CSMD1: variants seen among roughly 807,000 people sequenced by gnomAD.
The protein encoded by CSMD1 is CUB and sushi domain-containing protein 1.
Under a neutral mutation model 417.5 loss-of-function variants are expected in CSMD1, and 213 were observed. The ratio of observed to expected loss-of-function variants is 0.51; its 90% CI spans 0.46 to 0.57. CSMD1 has a LOEUF of 0.57. CSMD1 is among the 20% of genes least tolerant of loss of function. The pLI, the probability that CSMD1 is intolerant of heterozygous loss-of-function variation, is 0.00. For synonymous variants in CSMD1, 2,862 were observed against 1,736.8 expected (o/e 1.65, Z -16.11); for missense variants, 6,923 against 4,529.7 (o/e 1.53, Z -15.17).
At chr8:4,863,995 A>G (rs1417083179) in intron 1 of CSMD1, among the ~76,000 whole-genome samples, 1 of 152,024 alleles carries the variant, frequency 6.6e-6, no homozygotes, top group East Asian at 1.9e-4. Flanking sequence ...TATTCAGTAC[A>G]TGTCTATATA....
chr8:3,641,454 G>A (rs572833142), intron 7 of CSMD1, among the ~76,000 whole-genome samples: 4 of 152,274 alleles, frequency 2.6e-5, no homozygotes, highest in Non-Finnish European at 4.4e-5. Context: ...TACTTTATCA[G>A]TAAGTGGTTT....
intron 2 of CSMD1, among the ~76,000 whole-genome samples, chr8:4,480,154 T>G (rs1453068607): frequency 6.7e-6 from 1 of 150,014 alleles, no homozygotes; most frequent in Non-Finnish European, 1.5e-5. Flanking sequence ...TTCTACTATT[T>G]TCCTAATACC....
intron 50 of CSMD1, among the ~76,000 whole-genome samples, chr8:3,046,945 G>A (rs1208911006): frequency 2.6e-5 from 4 of 152,170 alleles, no homozygotes; most frequent in Admixed American, 6.5e-5. Context: ...TGGGCCAGGC[G>A]CAGTGGCTGA....
chr8:4,496,612 C>A (rs1563232711), intron 2 of CSMD1, among the ~76,000 whole-genome samples: 1 of 152,118 alleles, frequency 6.6e-6, no homozygotes, highest in Non-Finnish European at 1.5e-5. Context: ...ATTGTTATTC[C>A]TGGTTTGTTC....
At chr8:4,598,448 C>A (rs371265074) in intron 2 of CSMD1, among the ~76,000 whole-genome samples, 2 of 152,300 alleles carry the variant, frequency 1.3e-5, no homozygotes, top group East Asian at 3.9e-4. Flanking sequence ...GGCATGAAAT[C>A]TGAGTTATTT....
chr8:4,306,464 A>G (rs1194573893), intron 3 of CSMD1, among the ~76,000 whole-genome samples: 1 of 152,194 alleles, frequency 6.6e-6, no homozygotes, highest in Non-Finnish European at 1.5e-5. Context: ...TCACCTCCAT[A>G]TTGTGAATGC....
At chr8:3,321,760 A>G (rs1358524083) in intron 23 of CSMD1, among the ~76,000 whole-genome samples, 1 of 152,240 alleles carries the variant, frequency 6.6e-6, no homozygotes, top group Non-Finnish European at 1.5e-5. Context: ...TTATAAAAAC[A>G]CAAAGTTAAC....
At chr8:4,085,854 C>T (rs939584891) in intron 3 of CSMD1, among the ~76,000 whole-genome samples, 1 of 152,136 alleles carries the variant, frequency 6.6e-6, no homozygotes, top group African/African-American at 2.4e-5. Context: ...CAGAGTTTCC[C>T]TGTCAGTATC....
At position 4,035,970 on chromosome 8, in the gene CSMD1, T is replaced by C. The variant is rs111230926; in HGVS notation, c.416-3871A>G. On this transcript the variant is annotated intron_variant, in intron 3 of 69. Transcript: ENST00000635120. ...ATTCACGGTAAGTGTCCTATGAGAGTGTAACACTTTTTTTTATTTTTAATG... is the reference window on the plus strand; with the variant it reads ...ATTCACGGTAAGTGTCCTATGAGAGCGTAACACTTTTTTTTATTTTTAATG... Among the ~76,000 whole-genome samples, 320 of 152,112 alleles carry C rather than the reference T, an allele frequency of 2.1e-3. 1 individual carries two copies. Among genetic ancestry groups the C allele is most frequent in the African/African-American group, 7.3e-3 (304 of 41,492 alleles).
At chr8:4,149,683 T>C (rs758809763) in intron 3 of CSMD1, among the ~76,000 whole-genome samples, 5 of 152,182 alleles carry the variant, frequency 3.3e-5, no homozygotes, top group Non-Finnish European at 7.3e-5. Flanking sequence ...ACTGAAGGAA[T>C]AAACAATGCT....
intron 5 of CSMD1, among the ~76,000 whole-genome samples, chr8:3,772,473 A>T (rs1161467866): frequency 0.055 from 1,159 of 21,262 alleles, 380 homozygotes; most frequent in African/African-American, 0.075. Context: ...ATATACACAT[A>T]TATATACATA....
rs117454806 is a variant in CSMD1 at position 4,931,379 on chromosome 8, G to C, written c.85+62953C>G. On this transcript the variant is annotated intron_variant, in intron 1 of 69. Transcript: ENST00000635120. ...AGGCATAATCATGTAACTCACTTTA[G>C]CTAATACTTCCTGAGTGACACTGAC... Among the ~76,000 whole-genome samples, 92 of 152,228 alleles carry C rather than the reference G, an allele frequency of 6.0e-4. No homozygotes were observed. The East Asian group carries it at 0.018, about 29-fold the overall frequency.
chr8:3,547,875 A>T (rs1482468034), intron 10 of CSMD1, among the ~76,000 whole-genome samples: 5 of 152,224 alleles, frequency 3.3e-5, no homozygotes, highest in Non-Finnish European at 5.9e-5. Context: ...TTAAAATGTC[A>T]TTTTAAGAAT....
At chr8:3,915,514 G>C (rs1221417073) in intron 5 of CSMD1, among the ~76,000 whole-genome samples, 1 of 151,662 alleles carries the variant, frequency 6.6e-6, no homozygotes, top group East Asian at 1.9e-4. Flanking sequence ...ACATTACTGG[G>C]CTTTGTTGAT....
At chr8:4,708,525 A>AAATGAAGGT (rs1344909507) in intron 1 of CSMD1, among the ~76,000 whole-genome samples, 3 of 152,224 alleles carry the variant, frequency 2.0e-5, no homozygotes, top group Admixed American at 6.5e-5. Flanking sequence ...ATTCTCTTAA[A>AAATGAAGGT]AATGAAGGTA....
At chr8:4,145,787 G>A (rs1054721707) in intron 3 of CSMD1, among the ~76,000 whole-genome samples, 3 of 151,084 alleles carry the variant, frequency 2.0e-5, no homozygotes, top group Non-Finnish European at 4.4e-5. Flanking sequence ...CTCGCACCAT[G>A]AAGAGTTTTT....
chr8:3,712,269 C>A (rs187270932), intron 6 of CSMD1, among the ~76,000 whole-genome samples: 20 of 152,204 alleles, frequency 1.3e-4, no homozygotes, highest in African/African-American at 4.6e-4. Context: ...TCTCCCCACA[C>A]GTTTTTTGGG....
At chr8:4,350,773 T>G (rs1009542237) in intron 3 of CSMD1, among the ~76,000 whole-genome samples, 1 of 152,162 alleles carries the variant, frequency 6.6e-6, no homozygotes, top group African/African-American at 2.4e-5. Context: ...TGAATTTAAG[T>G]AGGTTATTTT....
intron 5 of CSMD1, among the ~76,000 whole-genome samples, chr8:3,909,249 A>G (rs1403617216): frequency 6.6e-6 from 1 of 152,176 alleles, no homozygotes; most frequent in Non-Finnish European, 1.5e-5. Context: ...GAGGAGATGT[A>G]GACCCAAAAG....
Sources: allele counts gnomAD v4.1 joint callset (sites outside exome capture counted in the v4.1 genomes callset), GRCh38; gene constraint gnomAD v4.1.1; transcripts MANE v1.5; gene names NCBI Gene and HGNC (gene_info 2026-07-23, HGNC 2026-07-21).